ZP3: variants seen among roughly 807,000 people sequenced by gnomAD.
The protein encoded by ZP3 is zona pellucida glycoprotein 3, also known as zona pellucida sperm-binding protein 3.
A neutral mutation model predicts 35.6 loss-of-function variants in ZP3; 21 were observed. The observed-to-expected ratio is 0.59, with a 90% CI of 0.42 to 0.85. The LOEUF (loss-of-function observed/expected upper bound fraction) is 0.85. Among genes scored for constraint, ZP3 ranks in the 40% least tolerant of loss-of-function variants. The probability of loss-of-function intolerance (pLI) is 0.00; values close to 1 mark genes in which losing one functional copy is unlikely to be tolerated. For missense variants in ZP3, 437 were observed against 536.5 expected, an observed-to-expected ratio of 0.81 and a Z score of 1.83; for synonymous variants, 207 against 214.5, an observed-to-expected ratio of 0.96 and a Z score of 0.31.
chr7:76,398,568 G>A (rs1804714819), intron 1 of ZP3: 1 of 830,376 alleles, frequency 1.2e-6, no homozygotes, highest in Non-Finnish European at 2.0e-6. Flanking sequence ...GCCTCCCAAA[G>A]TGCTGGGATT....
At chr7:76,408,610 C>T (rs77149781) in intron 1 of ZP3, among the ~76,000 whole-genome samples, 2,856 of 152,198 alleles carry the variant, frequency 0.019, 53 homozygotes, top group East Asian at 0.061. Flanking sequence ...TCAGCCCAGG[C>T]GTGAGGGAGA....
At chr7:76,407,433 G>A (rs1318868888) in intron 1 of ZP3, among the ~76,000 whole-genome samples, 3 of 151,570 alleles carry the variant, frequency 2.0e-5, no homozygotes, top group Admixed American at 6.6e-5. Context: ...CCAGGTTCAA[G>A]CGATTCTCCT....
At chr7:76,427,446 G>T (rs577445261) in intron 1 of ZP3, among the ~76,000 whole-genome samples, 1 of 150,294 alleles carries the variant, frequency 6.7e-6, no homozygotes, top group South Asian at 2.1e-4. Flanking sequence ...AACCCGGGAG[G>T]CGTAGGTTGC....
exon 1 of ZP3, chr7:76,397,726 C>A: frequency 6.2e-7 from 1 of 1,613,408 alleles, no homozygotes. Context: ...CGGCATCCGG[C>A]AGCCCCCAGT....
At position 76,429,543 on chromosome 7, in the gene ZP3, C is replaced by A; in HGVS notation, c.341C>A (p.Thr114Asn). 6.2e-7 allele frequency: 1 copy of A among 1,614,074 alleles called. No homozygotes were observed. Among genetic ancestry groups the A allele is most frequent in the Non-Finnish European group, 8.5e-7 (1 of 1,179,984 alleles). The change falls in exon 2 of 8, where the codon ACC becomes AAC. Residue 114 changes from threonine (T) to asparagine (N), a missense_variant. By Grantham distance (65) the Thr-to-Asn change is moderately conservative. Around this residue, in one of 6 missense-constraint regions of ZP3, gnomAD observed 352 missense variants for 308.4 expected, o/e 1.14. Transcript: ENST00000394857. ...ACTGACGATGCCCTGGTGTACAGCA[C>A]CTTCCTGCTCCATGACCCCCGCCCC... ...QVTDDALVYS[T>N]FLLHDPRPVG...
intron 1 of ZP3, among the ~76,000 whole-genome samples, chr7:76,416,939 TAC>T (rs1292093628): frequency 1.4e-4 from 12 of 83,318 alleles, no homozygotes; most frequent in African/African-American, 6.3e-4. Flanking sequence ...TACATATGTA[TAC>T]ATACATATAT....
intron 1 of ZP3, chr7:76,404,436 G>C: frequency 2.5e-6 from 4 of 1,614,084 alleles, no homozygotes; most frequent in Non-Finnish European, 3.4e-6. Flanking sequence ...GCTTCCTTGT[G>C]CATCTAGATG....
At chr7:76,410,934 G>A (rs1181490118) in intron 1 of ZP3, among the ~76,000 whole-genome samples, 1 of 149,616 alleles carries the variant, frequency 6.7e-6, no homozygotes, top group African/African-American at 2.5e-5. Flanking sequence ...GGTGGAGGTT[G>A]CAGTGAGCTG....
intron 1 of ZP3, among the ~76,000 whole-genome samples, chr7:76,418,827 G>T (rs951326318): frequency 1.3e-5 from 2 of 152,186 alleles, no homozygotes; most frequent in Non-Finnish European, 2.9e-5. Context: ...CTGCACTCCA[G>T]CCTGGGCCAC....
At chr7:76,411,717 A>G (rs1234514377) in intron 1 of ZP3, among the ~76,000 whole-genome samples, 1 of 152,176 alleles carries the variant, frequency 6.6e-6, no homozygotes, top group Non-Finnish European at 1.5e-5. Flanking sequence ...AATGGTCCAG[A>G]TACTCTGAAA....
At chr7:76,424,641 C>T (rs894802109), upstream of ZP3, among the ~76,000 whole-genome samples, 1 of 151,572 alleles carries the variant, frequency 6.6e-6, no homozygotes, top group African/African-American at 2.4e-5. Context: ...TGTCTCAAAA[C>T]AAAACAAAAC....
chr7:76,424,969 A>G lies in ZP3; in HGVS notation c.5A>G (p.Glu2Gly), dbSNP rs756778893. 18 of 1,531,610 alleles carry G rather than the reference A, an allele frequency of 1.2e-5. No homozygotes were observed. The highest frequency in any genetic ancestry group is 1.4e-5 in the Non-Finnish European group (16 of 1,138,928). 94.9% of individuals were successfully genotyped at this position (1,531,610 alleles called of 1,614,324 possible). Residue 2 changes from glutamate (E) to glycine (G), a missense_variant, in exon 1 of 8, where the codon GAG (glutamate) becomes GGG (glycine). This residue lies in a region of ZP3 where 352 missense variants were observed against 308.4 expected (regional missense o/e 1.14). Coordinates refer to ENST00000394857, the MANE Select transcript of ZP3 (RefSeq NM_001110354.2). Reference sequence around the variant, plus strand: ...GCCTGCTGCTCTGCAGGTACCATGGAGCTGAGCTATAGGCTCTTCATCTGC... The same window carrying G: ...GCCTGCTGCTCTGCAGGTACCATGGGGCTGAGCTATAGGCTCTTCATCTGC... M[E>G]LSYRLFICLL... is the part of the protein sequence containing the mutation.
At chr7:76,436,284 C>T (rs1261070713) in intron 5 of ZP3, among the ~76,000 whole-genome samples, 10 of 152,038 alleles carry the variant, frequency 6.6e-5, no homozygotes, top group Admixed American at 6.6e-5. Flanking sequence ...CGACCTCAAA[C>T]GATCCACCTG....
chr7:76,433,459 G>C lies in ZP3; in HGVS notation c.536-11G>C. The stretch of plus-strand genomic sequence containing the variant: ...CATGAGCCACCATGCCCAGCTGACT[G>C]TGTCTTTCAGAGAACTGGAACGCTG... On this transcript the variant is annotated splice_polypyrimidine_tract_variant and intron_variant, in intron 3 of 7. Coordinates refer to ENST00000394857, the MANE Select transcript of ZP3 (RefSeq NM_001110354.2). 1.9e-6 allele frequency: 3 copies of C among 1,608,942 alleles called. No individual in the cohort carries two copies. Among genetic ancestry groups the C allele is most frequent in the East Asian group, 4.5e-5 (2 of 44,748 alleles).
At chr7:76,430,153 T>G (rs943199996) in intron 2 of ZP3, among the ~76,000 whole-genome samples, 1 of 151,992 alleles carries the variant, frequency 6.6e-6, no homozygotes, top group Non-Finnish European at 1.5e-5. Flanking sequence ...GAGGCTGCAG[T>G]GAGCCGAGAT....
chr7:76,397,947 G>T, intron 1 of ZP3: 1 of 1,079,976 alleles, frequency 9.3e-7, no homozygotes, highest in Non-Finnish European at 1.3e-6. Context: ...TGCTCACCCC[G>T]CTGCCCAGGG....
At chr7:76,433,253 C>G (rs1306287193) in intron 3 of ZP3, among the ~76,000 whole-genome samples, 1 of 148,950 alleles carries the variant, frequency 6.7e-6, no homozygotes. Context: ...TCCTGGGGTT[C>G]AAACGATTCT....
rs763429612 is a variant in ZP3 at position 76,400,504 on chromosome 7, T to G, written c.-67+2707T>G. On this transcript the variant is annotated intron_variant, in intron 1 of 8. Transcript: ENST00000336517. Reference sequence around the variant, plus strand: ...TACGTTGGCGTCCACCACGTCCCAGTCGTCATCACAGACGCTGCCCCAGGA... The same window carrying G: ...TACGTTGGCGTCCACCACGTCCCAGGCGTCATCACAGACGCTGCCCCAGGA... 1.9e-6 allele frequency: 3 copies of G among 1,597,250 alleles called. No individual in the cohort carries two copies. In the African/African-American group the frequency reaches 4.0e-5, roughly 21 times the overall value.
chr7:76,438,629 G>T (rs1235691472), intron 5 of ZP3, among the ~76,000 whole-genome samples: 1 of 147,384 alleles, frequency 6.8e-6, no homozygotes, highest in East Asian at 2.0e-4. Flanking sequence ...GCTCCCAGCA[G>T]GAGCTCATAT....
Sources: gnomAD v4.1 joint callset for allele counts (sites outside exome capture counted in the v4.1 genomes callset) on GRCh38, gnomAD v4.1.1 for gene constraint, gnomAD v4.1.1 regional missense constraint, MANE v1.5 for transcripts, NCBI Gene and HGNC (gene_info 2026-07-23, HGNC 2026-07-21) for gene names.